Variants in NRXN3 observed in about 807,000 individuals in gnomAD.
NRXN3 encodes the protein neurexin III.
NRXN3 carries 32 observed loss-of-function variants against 137.6 expected under a neutral mutation model. The ratio of observed to expected loss-of-function variants is 0.23; its 90% CI spans 0.18 to 0.31. The LOEUF (loss-of-function observed/expected upper bound fraction) is 0.31. NRXN3 is among the 10% of genes least tolerant of loss of function. NRXN3 has a pLI of 1.00. For synonymous variants in NRXN3, 798 were observed against 784.5 expected, an observed-to-expected ratio of 1.02 and a Z score of -0.29; for missense variants, 1,574 against 2,062.5, an observed-to-expected ratio of 0.76 and a Z score of 4.59.
At chr14:79,120,287 T>C (rs1053937603) in intron 15 of NRXN3, among the ~76,000 whole-genome samples, 7 of 152,188 alleles carry the variant, frequency 4.6e-5, no homozygotes, top group Admixed American at 1.3e-4. Flanking sequence ...CCAGAGAACC[T>C]TGTGCAAATG....
At chr14:78,871,225 T>C (rs1284160238) in intron 10 of NRXN3, among the ~76,000 whole-genome samples, 1 of 151,678 alleles carries the variant, frequency 6.6e-6, no homozygotes, top group East Asian at 1.9e-4. Flanking sequence ...GCATTCATTA[T>C]TGCCTGTCTT....
intron 16 of NRXN3, among the ~76,000 whole-genome samples, chr14:79,657,368 C>T (rs191896976): frequency 1.3e-5 from 2 of 152,282 alleles, no homozygotes; most frequent in East Asian, 3.9e-4. Context: ...TTCAGCTTCT[C>T]AAGGGGAGGG....
intron 4 of NRXN3, among the ~76,000 whole-genome samples, chr14:78,399,966 A>G (rs907883912): frequency 2.0e-5 from 3 of 152,214 alleles, no homozygotes; most frequent in African/African-American, 7.2e-5. Flanking sequence ...TTCTCACATC[A>G]TTTATCTATA....
chr14:79,483,353 C>T (rs772018503), intron 16 of NRXN3, among the ~76,000 whole-genome samples: 36 of 152,112 alleles, frequency 2.4e-4, no homozygotes, highest in Admixed American at 2.0e-3. Flanking sequence ...AGAACATAGA[C>T]GGCATGATAG....
intron 15 of NRXN3, among the ~76,000 whole-genome samples, chr14:79,069,343 TG>T (rs2099684626): frequency 6.6e-6 from 1 of 152,120 alleles, no homozygotes; most frequent in South Asian, 2.1e-4. Flanking sequence ...CACACCCAGT[TG>T]GTATGAAGAC....
At position 79,472,323 on chromosome 14, in the gene NRXN3, G is replaced by T. The variant is rs561722800; in HGVS notation, c.3444+4921G>T. Reference sequence around the variant, plus strand: ...TCCCACTCATCTGGGCCTTATAAAAGTTAAATAGGTTTTGACAAAAAGTGT... The same window carrying T: ...TCCCACTCATCTGGGCCTTATAAAATTTAAATAGGTTTTGACAAAAAGTGT... On this transcript the variant is annotated intron_variant, in intron 16 of 20. Transcript: ENST00000335750. Among the ~76,000 whole-genome samples, 414 of 152,218 alleles carry T rather than the reference G, an allele frequency of 2.7e-3. 3 individuals carry two copies. Among genetic ancestry groups the T allele is most frequent in the African/African-American group, 9.6e-3 (398 of 41,546 alleles).
At chr14:79,555,421 G>T (rs1299958534) in intron 16 of NRXN3, among the ~76,000 whole-genome samples, 1 of 152,090 alleles carries the variant, frequency 6.6e-6, no homozygotes, top group Non-Finnish European at 1.5e-5. Context: ...AGTGTATGTG[G>T]GTAGCAGGCA....
intron 4 of NRXN3, among the ~76,000 whole-genome samples, chr14:78,371,390 C>T (rs536042669): frequency 2.0e-5 from 3 of 152,242 alleles, no homozygotes; most frequent in African/African-American, 7.2e-5. Context: ...CTTCCACCTC[C>T]CCTTCTGCTG....
At position 79,590,375 on chromosome 14, in the gene NRXN3, G is replaced by T. The variant is rs558335831; in HGVS notation, c.3445-73403G>T. Among the ~76,000 whole-genome samples, 5 of 133,002 alleles carry T rather than the reference G, an allele frequency of 3.8e-5. No homozygotes were observed. In the East Asian group the frequency reaches 8.9e-4, roughly 24 times the overall value. 87.3% of individuals were successfully genotyped at this position (133,002 alleles called of 152,430 possible). A position where few individuals can be genotyped will look rare whatever the true frequency, so the allele number is the denominator to read the frequency against. On this transcript the variant is annotated intron_variant, in intron 16 of 20. Transcript: ENST00000335750. The stretch of plus-strand genomic sequence containing the variant: ...ACCATGATTGTGAGGCCTCCCCAGC[G>T]ATGTGGAACTGTAAGTCCATTAAAC...
At chr14:79,154,708 G>C (rs1020156267) in intron 15 of NRXN3, among the ~76,000 whole-genome samples, 1 of 151,734 alleles carries the variant, frequency 6.6e-6, no homozygotes, top group Non-Finnish European at 1.5e-5. Flanking sequence ...ACTTTGTGAC[G>C]ATTCAAAGGA....
At chr14:79,233,983 A>G (rs1568711884) in intron 15 of NRXN3, among the ~76,000 whole-genome samples, 2 of 151,974 alleles carry the variant, frequency 1.3e-5, no homozygotes, top group East Asian at 3.9e-4. Context: ...TACTTTTGAA[A>G]TGTTAAAACA....
At position 78,683,061 on chromosome 14, in the gene NRXN3, G is replaced by A. The variant is rs150444302; in HGVS notation, c.1222-26156G>A. ...TTGAAATGTGCCTGGTCTGAATTGA[G>A]GTGTGTTTTACGTTTAAAATCACAC... On this transcript the variant is annotated intron_variant, in intron 6 of 20. Transcript: ENST00000335750. 3.0e-4 allele frequency among the ~76,000 whole-genome samples: 45 copies of A among 152,154 alleles called. No homozygotes were observed. The East Asian group carries it at 7.4e-3, about 25-fold the overall frequency.
intron 10 of NRXN3, among the ~76,000 whole-genome samples, chr14:78,932,614 T>C (rs1212791165): frequency 1.3e-5 from 2 of 151,854 alleles, no homozygotes; most frequent in African/African-American, 2.4e-5. Flanking sequence ...GTCTTAAGGG[T>C]TGGAAAAAGG....
chr14:78,775,755 G>C (rs1038469489), intron 8 of NRXN3, among the ~76,000 whole-genome samples: 2 of 152,126 alleles, frequency 1.3e-5, no homozygotes, highest in Non-Finnish European at 2.9e-5. Context: ...TGTTAAACAA[G>C]GCCATGTTTG....
At chr14:78,630,719 C>T (rs1368992156) in intron 4 of NRXN3, among the ~76,000 whole-genome samples, 1 of 151,982 alleles carries the variant, frequency 6.6e-6, no homozygotes, top group Non-Finnish European at 1.5e-5. Flanking sequence ...ATTCTCCTGC[C>T]TCATCTTCCA....
intron 15 of NRXN3, among the ~76,000 whole-genome samples, chr14:79,319,877 A>C (rs1362536670): frequency 6.6e-6 from 1 of 152,122 alleles, no homozygotes; most frequent in African/African-American, 2.4e-5. Flanking sequence ...TTTTCTTACT[A>C]ATGGCAGGAT....
At chr14:79,713,476 A>ATG (rs1361023691) in intron 19 of NRXN3, among the ~76,000 whole-genome samples, 5 of 117,540 alleles carry the variant, frequency 4.3e-5, no homozygotes, top group South Asian at 2.9e-4. Flanking sequence ...GATATATATA[A>ATG]TGTATATATA....
At chr14:79,341,228 G>A (rs139529786) in intron 15 of NRXN3, among the ~76,000 whole-genome samples, 15 of 152,204 alleles carry the variant, frequency 9.9e-5, no homozygotes, top group African/African-American at 1.4e-4. Flanking sequence ...CAGGTAGGGC[G>A]GTGGAGCTCT....
chr14:79,683,038 C>T (rs1484421070), intron 17 of NRXN3, among the ~76,000 whole-genome samples: 3 of 152,102 alleles, frequency 2.0e-5, no homozygotes, highest in Non-Finnish European at 4.4e-5. Context: ...TAATAGAGTT[C>T]TTCAAAGAAA....
Sources: gnomAD v4.1 joint callset for allele counts (sites outside exome capture counted in the v4.1 genomes callset) on GRCh38, gnomAD v4.1.1 for gene constraint, MANE v1.5 for transcripts, NCBI Gene and HGNC (gene_info 2026-07-23, HGNC 2026-07-21) for gene names.